The following ACTR3C variants were observed in gnomAD, a reference collection of about 807,000 sequenced individuals.
ACTR3C encodes actin-related protein 3C.
A neutral mutation model predicts 26.3 loss-of-function variants in ACTR3C; 18 were observed. The observed-to-expected ratio is 0.68, with a 90% CI of 0.47 to 1.01. The LOEUF is 1.01. Ranked by LOEUF, ACTR3C falls within the 50% of genes least tolerant of loss-of-function variation. The pLI is 0.00. For synonymous variants in ACTR3C, 55 were observed against 94.5 expected, an observed-to-expected ratio of 0.58 and a Z score of 2.42; for missense variants, 184 against 250.7, an observed-to-expected ratio of 0.73 and a Z score of 1.80.
the ACTR3C span, among the ~76,000 whole-genome samples, chr7:150,216,523 G>C: frequency 6.6e-6 from 1 of 152,236 alleles, no homozygotes; most frequent in Non-Finnish European, 1.5e-5. Flanking sequence ...TGAGTAGATA[G>C]GACCTCAGGC....
At chr7:150,276,581 G>A (rs959011497) in intron 6 of ACTR3C, among the ~76,000 whole-genome samples, 2 of 152,230 alleles carry the variant, frequency 1.3e-5, no homozygotes, top group African/African-American at 2.4e-5. Flanking sequence ...AGAAATCCAA[G>A]CCAATCTCCA....
At chr7:150,034,638 T>A in the ACTR3C span, among the ~76,000 whole-genome samples, 3 of 150,364 alleles carry the variant, frequency 2.0e-5, no homozygotes, top group Non-Finnish European at 4.5e-5. Context: ...CGAGCTGCCT[T>A]CGGACCCGTC....
At chr7:149,887,361 T>C in the ACTR3C span, among the ~76,000 whole-genome samples, 1 of 152,132 alleles carries the variant, frequency 6.6e-6, no homozygotes, top group African/African-American at 2.4e-5. Context: ...CAATGTAACC[T>C]CCTTATTACC....
the ACTR3C span, among the ~76,000 whole-genome samples, chr7:150,000,140 A>G: frequency 6.6e-6 from 1 of 152,010 alleles, no homozygotes; most frequent in Non-Finnish European, 1.5e-5. Context: ...GTTTTCACTT[A>G]ATGTTGTAAT....
chr7:149,882,558 T>C, the ACTR3C span, among the ~76,000 whole-genome samples: 2 of 152,140 alleles, frequency 1.3e-5, no homozygotes, highest in Non-Finnish European at 2.9e-5. Flanking sequence ...TCATGTCCAC[T>C]CCACTCCCTG....
At chr7:150,227,186 T>C in the ACTR3C span, among the ~76,000 whole-genome samples, 2 of 151,602 alleles carry the variant, frequency 1.3e-5, no homozygotes, top group African/African-American at 2.4e-5. Context: ...ATATGCAACA[T>C]GTTATTATCA....
chr7:150,010,844 G>T, the ACTR3C span, among the ~76,000 whole-genome samples: 1 of 147,518 alleles, frequency 6.8e-6, no homozygotes, highest in Non-Finnish European at 1.5e-5. Flanking sequence ...GAAAGGGGTT[G>T]TGTCTGAGGG....
At chr7:150,047,260 C>T in the ACTR3C span, among the ~76,000 whole-genome samples, 1 of 152,060 alleles carries the variant, frequency 6.6e-6, no homozygotes, top group African/African-American at 2.4e-5. Context: ...AAGCACAGGC[C>T]GATCGAATTC....
At chr7:150,242,948 T>C (rs1389178262), downstream of ACTR3C, among the ~76,000 whole-genome samples, 1 of 152,246 alleles carries the variant, frequency 6.6e-6, no homozygotes, top group East Asian at 1.9e-4. Context: ...GCTGTAAATA[T>C]GTTCTTATCC....
At chr7:150,086,478 G>A in the ACTR3C span, among the ~76,000 whole-genome samples, 1 of 151,914 alleles carries the variant, frequency 6.6e-6, no homozygotes, top group Non-Finnish European at 1.5e-5. Flanking sequence ...TCATCACTTC[G>A]GTAGAATTTA....
At chr7:150,094,256 G>T in the ACTR3C span, among the ~76,000 whole-genome samples, 2 of 150,070 alleles carry the variant, frequency 1.3e-5, no homozygotes, top group Non-Finnish European at 2.9e-5. Flanking sequence ...AAGAACCATG[G>T]ATAACAGAAC....
At chr7:150,216,800 A>G in the ACTR3C span, among the ~76,000 whole-genome samples, 1 of 151,484 alleles carries the variant, frequency 6.6e-6, no homozygotes, top group Non-Finnish European at 1.5e-5. Context: ...CAGCCTGACC[A>G]ACATGGCAAA....
intron 3 of ACTR3C, among the ~76,000 whole-genome samples, chr7:150,291,989 C>T (rs887974456): frequency 2.7e-4 from 41 of 151,132 alleles, no homozygotes; most frequent in African/African-American, 1.0e-3. Context: ...GTAGGCCCAT[C>T]GACCATTAAG....
At chr7:150,102,510 G>A in the ACTR3C span, among the ~76,000 whole-genome samples, 42,938 of 151,326 alleles carry the variant, frequency 0.28, 7,135 homozygotes, top group East Asian at 0.4. Flanking sequence ...CTAGAGATAC[G>A]TCTTTGTGAA....
the ACTR3C span, among the ~76,000 whole-genome samples, chr7:150,084,832 G>T: frequency 2.9e-3 from 441 of 152,224 alleles, 1 homozygote; most frequent in Non-Finnish European, 5.1e-3. Context: ...GGTGTGGGAG[G>T]GGGAGTGGAA....
the ACTR3C span, among the ~76,000 whole-genome samples, chr7:150,085,267 A>G: frequency 6.6e-6 from 1 of 152,210 alleles, no homozygotes; most frequent in African/African-American, 2.4e-5. Context: ...TATGGCCAGT[A>G]TATGAGACTA....
the ACTR3C span, among the ~76,000 whole-genome samples, chr7:149,899,067 C>T: frequency 6.6e-6 from 1 of 151,512 alleles, no homozygotes; most frequent in African/African-American, 2.4e-5. Context: ...ACTTTGACCC[C>T]CACACTGGCA....
the ACTR3C span, among the ~76,000 whole-genome samples, chr7:149,892,801 A>T: frequency 7.0e-6 from 1 of 143,054 alleles, no homozygotes; most frequent in Non-Finnish European, 1.5e-5. Flanking sequence ...ACTGAAAAAT[A>T]ATGTCTATAA....
At chr7:150,009,533 G>A in the ACTR3C span, among the ~76,000 whole-genome samples, 1 of 152,188 alleles carries the variant, frequency 6.6e-6, no homozygotes, top group Non-Finnish European at 1.5e-5. Context: ...GTAGCTTTGG[G>A]TAATAAATAC....
Sources: gnomAD v4.1 joint callset for allele counts (sites outside exome capture counted in the v4.1 genomes callset) on GRCh38, gnomAD v4.1.1 for gene constraint, MANE v1.5 for transcripts, NCBI Gene and HGNC (gene_info 2026-07-23, HGNC 2026-07-21) for gene names.